KIAA1671: variants seen among roughly 807,000 people sequenced by gnomAD.
KIAA1671 encodes KIAA1671.
A neutral mutation model predicts 131.2 loss-of-function variants in KIAA1671; 52 were observed. The observed-to-expected ratio is 0.40, with a 90% CI of 0.32 to 0.50. KIAA1671 has a LOEUF of 0.50. KIAA1671 is among the 20% of genes least tolerant of loss of function. The probability of loss-of-function intolerance (pLI) is 0.73; values close to 1 mark genes in which losing one functional copy is unlikely to be tolerated. For synonymous variants in KIAA1671, 1,003 were observed against 961.6 expected, an observed-to-expected ratio of 1.04 and a Z score of -0.80; for missense variants, 2,360 against 2,364.2, an observed-to-expected ratio of 1.00 and a Z score of 0.04.
intron 6 of KIAA1671, among the ~76,000 whole-genome samples, chr22:25,150,998 A>G (rs1449245915): frequency 1.3e-5 from 2 of 151,760 alleles, no homozygotes; most frequent in Admixed American, 1.3e-4. Flanking sequence ...ACGCCCGGCT[A>G]ATTTTTTTTG....
chr22:25,001,528 C>T (rs1924480338), intron 1 of KIAA1671, among the ~76,000 whole-genome samples: 1 of 152,110 alleles, frequency 6.6e-6, no homozygotes, highest in African/African-American at 2.4e-5. Flanking sequence ...TGATAGAGTC[C>T]TCCAGGCAGG....
intron 6 of KIAA1671, among the ~76,000 whole-genome samples, chr22:25,106,234 G>T (rs1194154035): frequency 6.6e-6 from 1 of 152,190 alleles, no homozygotes; most frequent in Admixed American, 6.5e-5. Context: ...AGTCCCATGG[G>T]GACCCCTAGA....
chr22:25,035,710 G>A lies in KIAA1671; in HGVS notation c.1629+3014G>A, dbSNP rs983934965. ...CAAGGGCAAAAAGGCTGTGTGTGGC[G>A]AGAGTGGCAAAATGTTGATTGTCAT... On this transcript the variant is annotated intron_variant, in intron 4 of 12. Coordinates refer to ENST00000358431, the MANE Select transcript of KIAA1671 (RefSeq NM_001145206.2). 5.5e-3 allele frequency among the ~76,000 whole-genome samples: 830 copies of A among 152,278 alleles called. 10 individuals carry two copies. The highest frequency in any genetic ancestry group is 0.019 in the African/African-American group (797 of 41,552).
chr22:25,061,807 G>C (rs1191680774), intron 6 of KIAA1671: 1 of 152,344 alleles, frequency 6.6e-6, no homozygotes. Flanking sequence ...GACTGAGTGG[G>C]GAGGGAGCGC....
At chr22:25,136,441 A>G (rs1932678599) in intron 6 of KIAA1671, among the ~76,000 whole-genome samples, 2 of 152,142 alleles carry the variant, frequency 1.3e-5, no homozygotes, top group South Asian at 4.1e-4. Flanking sequence ...GGCATTTCTG[A>G]TTATGTTCTC....
chr22:25,068,386 C>T (rs372118301), intron 6 of KIAA1671, among the ~76,000 whole-genome samples: 52 of 152,242 alleles, frequency 3.4e-4, no homozygotes, highest in African/African-American at 1.1e-3. Flanking sequence ...GAAGCTACCC[C>T]GTGGTTTTCT....
rs1446379870 is a variant in KIAA1671, at chr22:25,185,035, C to A, written c.5258C>A (p.Pro1753His). ...DSPGETPSWA[P>H]QPKSPKSPFQ... ...CCTGGCGAGACCCCCAGCTGGGCAC[C>A]CCAACCCAAGAGCCCCAAGTCCCCC... Residue 1753 changes from proline (P) to histidine (H), a missense_variant, in exon 11 of 13, where the codon CCC (proline) becomes CAC (histidine). By Grantham distance (77) the Pro-to-His change is moderately conservative. Around this residue, in one of 3 missense-constraint regions of KIAA1671, gnomAD observed 1,161 missense variants for 1,204.7 expected, o/e 0.96. Coordinates refer to ENST00000358431, the MANE Select transcript of KIAA1671 (RefSeq NM_001145206.2). 1.3e-6 allele frequency: 2 copies of A among 1,551,506 alleles called. No individual in the cohort carries two copies. Among genetic ancestry groups the A allele is most frequent in the Non-Finnish European group, 1.7e-6 (2 of 1,146,988 alleles).
chr22:25,163,412 CT>C (rs1182230047), intron 6 of KIAA1671, among the ~76,000 whole-genome samples: 1 of 105,420 alleles, frequency 9.5e-6, no homozygotes, highest in East Asian at 3.1e-4. Context: ...GTAAATATTA[CT>C]TCTGGACATT....
In KIAA1671 at chr22:25,029,030, TC is replaced by T; in HGVS notation, c.1033del (p.Leu345TrpfsTer67). 1 of 1,506,410 alleles carries T rather than the reference TC, an allele frequency of 6.6e-7. No individual in the cohort carries two copies. The highest frequency in any genetic ancestry group is 8.9e-7 in the Non-Finnish European group (1 of 1,126,982). 93.3% of individuals were successfully genotyped at this position (1,506,410 alleles called of 1,614,324 possible). On this transcript the variant is annotated frameshift_variant, in exon 3 of 13. Coordinates refer to ENST00000358431, the MANE Select transcript of KIAA1671 (RefSeq NM_001145206.2). LOFTEE classifies it high-confidence loss of function. ...EAPLHDPDLD[F>X]LEVAKKIRER... ...CCTCTTCATGATCCTGATTTGGACTTCCTGGAGGTGGCCAAGAAAATCCGTG... is the reference window on the plus strand; with the variant it reads ...CCTCTTCATGATCCTGATTTGGACTTCTGGAGGTGGCCAAGAAAATCCGTG...
chr22:25,048,624 A>G (rs1331803419), intron 5 of KIAA1671, among the ~76,000 whole-genome samples: 2 of 152,152 alleles, frequency 1.3e-5, no homozygotes, highest in Admixed American at 1.3e-4. Flanking sequence ...TGGCCTGTGA[A>G]TGTTTCCCCT....
chr22:25,119,531 C>T (rs750244160), intron 6 of KIAA1671, among the ~76,000 whole-genome samples: 6 of 152,212 alleles, frequency 3.9e-5, no homozygotes, highest in Non-Finnish European at 7.3e-5. Flanking sequence ...TCTTTGCCCT[C>T]ATGGGACTCA....
chr22:25,131,734 A>G (rs1281595844), intron 6 of KIAA1671, among the ~76,000 whole-genome samples: 1 of 152,206 alleles, frequency 6.6e-6, no homozygotes. Context: ...GAACAGGGTG[A>G]TGCCATCCTT....
intron 5 of KIAA1671, among the ~76,000 whole-genome samples, chr22:25,044,403 C>T (rs1001157382): frequency 3.3e-5 from 5 of 152,162 alleles, no homozygotes; most frequent in Non-Finnish European, 7.4e-5. Flanking sequence ...TTATGTTTGC[C>T]AGCACCTTGC....
intron 12 of KIAA1671, among the ~76,000 whole-genome samples, chr22:25,191,627 T>A (rs183483559): frequency 1.1e-4 from 16 of 152,366 alleles, no homozygotes; most frequent in Admixed American, 2.6e-4. Context: ...GGGTTAGCAG[T>A]GTCCACACCA....
chr22:25,157,972 C>G (rs1933302565), intron 6 of KIAA1671, among the ~76,000 whole-genome samples: 1 of 152,092 alleles, frequency 6.6e-6, no homozygotes, highest in African/African-American at 2.4e-5. Context: ...CAGGTACCCA[C>G]CACCACGCCC....
At chr22:25,070,188 AG>A (rs760517328) in intron 6 of KIAA1671, 13 of 390,852 alleles carry the variant, frequency 3.3e-5, no homozygotes, top group Non-Finnish European at 5.4e-5. Context: ...TCAGTTCCCC[AG>A]GCAGCCGTGG....
intron 6 of KIAA1671, among the ~76,000 whole-genome samples, chr22:25,099,484 T>C (rs1371253276): frequency 6.6e-6 from 1 of 151,544 alleles, no homozygotes; most frequent in Non-Finnish European, 1.5e-5. Context: ...AGTGTTGATT[T>C]AGCCTGGGGA....
At chr22:24,968,617 G>A (rs965976758) in intron 1 of KIAA1671, among the ~76,000 whole-genome samples, 3 of 152,154 alleles carry the variant, frequency 2.0e-5, no homozygotes, top group African/African-American at 7.2e-5. Context: ...TGGGACAAAT[G>A]GAGTGTCCGT....
intron 7 of KIAA1671, among the ~76,000 whole-genome samples, chr22:25,171,582 G>C (rs1251609754): frequency 6.6e-6 from 1 of 152,060 alleles, no homozygotes; most frequent in Non-Finnish European, 1.5e-5. Flanking sequence ...GGGTGTGGTG[G>C]TGGGCACCTG....
Sources: allele counts gnomAD v4.1 joint callset (sites outside exome capture counted in the v4.1 genomes callset), GRCh38; gene constraint gnomAD v4.1.1; regional missense constraint gnomAD v4.1.1; transcripts MANE v1.5; gene names NCBI Gene and HGNC (gene_info 2026-07-23, HGNC 2026-07-21).